Variants in ADAMTS17 observed in about 807,000 individuals in gnomAD.
ADAMTS17 encodes ADAM metallopeptidase with thrombospondin type 1 motif 17.
ADAMTS17 carries 113 observed loss-of-function variants against 141.5 expected under a neutral mutation model. That is an observed-to-expected ratio of 0.80 (90% confidence interval 0.69 to 0.93). The LOEUF (loss-of-function observed/expected upper bound fraction) is 0.93, where lower values mean the gene tolerates loss of function less well. Ranked by LOEUF, ADAMTS17 falls within the 40% of genes least tolerant of loss-of-function variation. The probability of loss-of-function intolerance (pLI) is 0.00; values close to 1 mark genes in which losing one functional copy is unlikely to be tolerated. For missense variants in ADAMTS17, 1,659 were observed against 1,517.9 expected, an observed-to-expected ratio of 1.09 and a Z score of -1.54; for synonymous variants, 768 against 630.6, an observed-to-expected ratio of 1.22 and a Z score of -3.27.
At chr15:100,277,561 A>T (rs2044141652) in intron 4 of ADAMTS17, among the ~76,000 whole-genome samples, 1 of 152,216 alleles carries the variant, frequency 6.6e-6, no homozygotes, top group African/African-American at 2.4e-5. Flanking sequence ...TAATCTGCAG[A>T]TGAAAACATC....
At chr15:100,234,441 C>T (rs1226430816) in intron 7 of ADAMTS17, among the ~76,000 whole-genome samples, 8 of 152,176 alleles carry the variant, frequency 5.3e-5, no homozygotes, top group Non-Finnish European at 8.8e-5. Flanking sequence ...TGGGAAGGAG[C>T]AGAGCCAGCT....
intron 3 of ADAMTS17, among the ~76,000 whole-genome samples, chr15:100,305,498 C>T (rs532927757): frequency 4.5e-4 from 68 of 152,314 alleles, no homozygotes; most frequent in African/African-American, 1.6e-3. Flanking sequence ...ACAAGGCCCC[C>T]TAGATGGCCC....
chr15:100,008,774 C>A (rs889101031), intron 18 of ADAMTS17, among the ~76,000 whole-genome samples: 4 of 152,200 alleles, frequency 2.6e-5, no homozygotes, highest in Non-Finnish European at 5.9e-5. Context: ...CCACACCTAC[C>A]CCTGGTGGGT....
intron 15 of ADAMTS17, among the ~76,000 whole-genome samples, chr15:100,091,378 A>G (rs2035459735): frequency 1.3e-5 from 2 of 152,194 alleles, no homozygotes; most frequent in Non-Finnish European, 2.9e-5. Flanking sequence ...TTCCAGCTTC[A>G]GCCACCAAGC....
intron 20 of ADAMTS17, among the ~76,000 whole-genome samples, chr15:99,976,893 G>C (rs1419443211): frequency 6.6e-6 from 1 of 152,206 alleles, no homozygotes; most frequent in African/African-American, 2.4e-5. Context: ...ACTCATGCTA[G>C]CTGCATTCCA....
chr15:100,171,704 T>G (rs1489090337), intron 8 of ADAMTS17, among the ~76,000 whole-genome samples: 1 of 152,106 alleles, frequency 6.6e-6, no homozygotes, highest in East Asian at 1.9e-4. Flanking sequence ...AAAGCAGGAC[T>G]GGTCATGTTT....
chr15:100,090,209 G>C (rs1401092061), intron 15 of ADAMTS17, among the ~76,000 whole-genome samples: 1 of 152,154 alleles, frequency 6.6e-6, no homozygotes, highest in Non-Finnish European at 1.5e-5. Context: ...ATCCAAGGCA[G>C]TAAAATGTCA....
At chr15:100,140,488 CATATAT>C (rs60035034) in intron 10 of ADAMTS17, among the ~76,000 whole-genome samples, 1 of 124,982 alleles carries the variant, frequency 8.0e-6, no homozygotes, top group East Asian at 2.4e-4. Flanking sequence ...CACATACATA[CATATAT>C]ATATATATAT....
chr15:100,206,668 G>A (rs2041578914), intron 7 of ADAMTS17, among the ~76,000 whole-genome samples: 2 of 152,310 alleles, frequency 1.3e-5, no homozygotes, highest in African/African-American at 2.4e-5. Flanking sequence ...AGTGTGGTAT[G>A]TTTTGGCTAA....
chr15:100,077,934 A>G (rs2034491077), intron 15 of ADAMTS17, among the ~76,000 whole-genome samples: 1 of 152,226 alleles, frequency 6.6e-6, no homozygotes, highest in Non-Finnish European at 1.5e-5. Flanking sequence ...ATATATAAAA[A>G]TCAACTGCAT....
chr15:100,217,548 G>A (rs1225329010), intron 7 of ADAMTS17, among the ~76,000 whole-genome samples: 2 of 152,148 alleles, frequency 1.3e-5, no homozygotes, highest in African/African-American at 4.8e-5. Context: ...GCAGTGAGCC[G>A]AGATCATGCC....
At chr15:100,051,880 T>C in intron 16 of ADAMTS17, 149 bp from the exon 17 acceptor site, 2 of 993,608 alleles carry the variant, frequency 2.0e-6, no homozygotes, top group Non-Finnish European at 3.1e-6. Flanking sequence ...CCACTGAGGG[T>C]GCTCCTTTAT....
rs377172399 is a variant in ADAMTS17 at position 100,096,485 on chromosome 15, C to T, written c.2017-9G>A. 2 of 1,613,962 alleles carry T rather than the reference C, an allele frequency of 1.2e-6. No homozygotes were observed. The highest frequency in any genetic ancestry group is 1.1e-5 in the South Asian group (1 of 91,086). ...CCGTCACAGCCGATTTTCTAAAGAACCAGAGGGCCTCATTATTCTGTGGTT... is the reference window on the plus strand; with the variant it reads ...CCGTCACAGCCGATTTTCTAAAGAATCAGAGGGCCTCATTATTCTGTGGTT... On this transcript the variant is annotated splice_polypyrimidine_tract_variant and intron_variant, in intron 14 of 21. Coordinates refer to ENST00000268070, the MANE Select transcript of ADAMTS17 (RefSeq NM_139057.4).
chr15:100,340,577 G>C (rs981132075), intron 2 of ADAMTS17, among the ~76,000 whole-genome samples: 1 of 152,182 alleles, frequency 6.6e-6, no homozygotes, highest in African/African-American at 2.4e-5. Context: ...AGACTCAAAA[G>C]GAAGGGAGGT....
chr15:100,251,491 C>T (rs144644630), intron 7 of ADAMTS17, among the ~76,000 whole-genome samples: 6 of 152,174 alleles, frequency 3.9e-5, no homozygotes, highest in Non-Finnish European at 5.9e-5. Context: ...TCTGGGAGGC[C>T]GAGGCGGATG....
chr15:100,212,322 TCA>T (rs1211751326), intron 7 of ADAMTS17, among the ~76,000 whole-genome samples: 1 of 152,034 alleles, frequency 6.6e-6, no homozygotes, highest in East Asian at 1.9e-4. Context: ...GGAGACAGAC[TCA>T]CAGTCAGGCC....
At chr15:100,252,005 G>C (rs917866011) in intron 7 of ADAMTS17, among the ~76,000 whole-genome samples, 1 of 152,212 alleles carries the variant, frequency 6.6e-6, no homozygotes, top group African/African-American at 2.4e-5. Flanking sequence ...CACTCAGTTT[G>C]TGTGGCATTT....
intron 3 of ADAMTS17, among the ~76,000 whole-genome samples, chr15:100,309,095 C>T (rs2045321391): frequency 6.6e-6 from 1 of 152,244 alleles, no homozygotes; most frequent in Non-Finnish European, 1.5e-5. Flanking sequence ...GGGGCAATGG[C>T]TCAAGCCTGT....
intron 5 of ADAMTS17, 59 bp from the exon 6 acceptor site, chr15:100,261,695 CCAGA>C: frequency 6.4e-7 from 1 of 1,565,618 alleles, no homozygotes; most frequent in Non-Finnish European, 8.7e-7. Context: ...GAGTTTATTT[CCAGA>C]CTATGACAAG....
Sources: gnomAD v4.1 joint callset for allele counts (sites outside exome capture counted in the v4.1 genomes callset) on GRCh38, gnomAD v4.1.1 for gene constraint, MANE v1.5 for transcripts, NCBI Gene and HGNC (gene_info 2026-07-23, HGNC 2026-07-21) for gene names.